The following DYM variants were observed in gnomAD, a reference collection of about 807,000 sequenced individuals.
DYM encodes the protein dyggve-Melchior-Clausen syndrome protein.
DYM carries 78 observed loss-of-function variants against 93.1 expected under a neutral mutation model. That is an observed-to-expected ratio of 0.84 (90% confidence interval 0.70 to 1.01). DYM has a LOEUF of 1.01. Among genes scored for constraint, DYM ranks in the 50% least tolerant of loss-of-function variants. DYM has a pLI of 0.00. For missense variants in DYM, 789 were observed against 845.0 expected, an observed-to-expected ratio of 0.93 and a Z score of 0.82; for synonymous variants, 321 against 319.7, an observed-to-expected ratio of 1.00 and a Z score of -0.04.
At chr18:49,219,970 G>T (rs2093278630) in intron 13 of DYM, among the ~76,000 whole-genome samples, 1 of 150,134 alleles carries the variant, frequency 6.7e-6, no homozygotes, top group Middle Eastern at 3.4e-3. Flanking sequence ...AATTGTCCCT[G>T]TTTGCAGATG....
chr18:49,073,516 C>T (rs1023758441), intron 17 of DYM, among the ~76,000 whole-genome samples: 1 of 152,108 alleles, frequency 6.6e-6, no homozygotes, highest in Non-Finnish European at 1.5e-5. Flanking sequence ...TAAATAATGG[C>T]TTCAGGCCCT....
At chr18:49,280,457 C>T (rs927769228) in intron 10 of DYM, among the ~76,000 whole-genome samples, 1 of 152,084 alleles carries the variant, frequency 6.6e-6, no homozygotes, top group African/African-American at 2.4e-5. Context: ...GCAACTGTGA[C>T]GAGTAACATG....
chr18:49,255,313 G>C (rs550846388), intron 13 of DYM, among the ~76,000 whole-genome samples: 2 of 152,316 alleles, frequency 1.3e-5, no homozygotes, highest in East Asian at 3.9e-4. Context: ...AGGAGTTTGA[G>C]CTTTCAGTGA....
At chr18:49,066,244 A>G (rs899764032) in intron 17 of DYM, among the ~76,000 whole-genome samples, 1 of 152,050 alleles carries the variant, frequency 6.6e-6, no homozygotes, top group Non-Finnish European at 1.5e-5. Context: ...CCTGGCCATC[A>G]CCACCCTGAT....
intron 1 of DYM, among the ~76,000 whole-genome samples, chr18:49,442,164 T>G (rs2148621179): frequency 6.6e-6 from 1 of 152,252 alleles, no homozygotes; most frequent in South Asian, 2.1e-4. Context: ...GAGCTTCCAA[T>G]CAGTTTTTGG....
At chr18:49,114,596 T>G in intron 16 of DYM, 1 of 985,236 alleles carries the variant, frequency 1.0e-6, no homozygotes, top group South Asian at 4.7e-5. Flanking sequence ...GTTTAAATTC[T>G]TTGCATGGTT....
intron 14 of DYM, among the ~76,000 whole-genome samples, chr18:49,191,292 T>C (rs1318700927): frequency 2.0e-5 from 3 of 152,050 alleles, no homozygotes; most frequent in Non-Finnish European, 4.4e-5. Context: ...ACTCAGTTGG[T>C]AATTACTCTT....
Position 49,080,330 on chromosome 18 carries a change from G to A in DYM, c.2025+17072C>T, listed in dbSNP as rs1485080538. Among the ~76,000 whole-genome samples the A allele has an allele frequency of 1.5e-4, 19 of 130,684 alleles. 1 individual carries two copies. Among genetic ancestry groups the A allele is most frequent in the East Asian group, 7.5e-4 (3 of 4,000 alleles). 85.7% of individuals were successfully genotyped at this position (130,684 alleles called of 152,430 possible). ...TCCCGGACGGGGTGGCTGGCCGGGC[G>A]GGGGGCTGACCCCCCCCAACTCCCT... On this transcript the variant is annotated intron_variant, in intron 17 of 17. Transcript: ENST00000675505.
intron 15 of DYM, among the ~76,000 whole-genome samples, chr18:49,128,857 G>C (rs888454997): frequency 6.6e-6 from 1 of 152,110 alleles, no homozygotes; most frequent in Non-Finnish European, 1.5e-5. Flanking sequence ...AAGTAAAAAT[G>C]CACAAAGTTA....
rs187751894 is a variant in DYM at position 49,297,039 on chromosome 18, T to C, written c.764-10423A>G. Among the ~76,000 whole-genome samples the C allele has an allele frequency of 2.4e-4, 36 of 152,292 alleles. 1 individual carries two copies. In the East Asian group the frequency reaches 4.4e-3, roughly 19 times the overall value. ...TACTTACTGAAGGATGTTTTTAAAG[T>C]GTACAAGTAATAAGAATTTTATATT... On this transcript the variant is annotated intron_variant, in intron 8 of 17. Coordinates refer to ENST00000675505, the MANE Select transcript of DYM (RefSeq NM_001353214.3).
chr18:49,187,124 T>A (rs2090519208), intron 14 of DYM, among the ~76,000 whole-genome samples: 1 of 152,048 alleles, frequency 6.6e-6, no homozygotes, highest in Non-Finnish European at 1.5e-5. Context: ...TTTCACTGTG[T>A]TAGCCAGGAT....
chr18:49,067,361 G>A (rs2076520357), intron 17 of DYM, among the ~76,000 whole-genome samples: 1 of 142,186 alleles, frequency 7.0e-6, no homozygotes, highest in Non-Finnish European at 1.5e-5. Flanking sequence ...AAGGAGTGGG[G>A]TGATGTGTTA....
intron 14 of DYM, among the ~76,000 whole-genome samples, chr18:49,173,529 G>A (rs2089013715): frequency 6.6e-6 from 1 of 151,890 alleles, no homozygotes; most frequent in South Asian, 2.1e-4. Context: ...CTATTCTTAA[G>A]TTATTTCATA....
At chr18:49,313,414 G>A (rs12607184) in intron 8 of DYM, among the ~76,000 whole-genome samples, 11,518 of 128,196 alleles carry the variant, frequency 0.09, 720 homozygotes, top group East Asian at 0.34. Flanking sequence ...AGTTAGCCAA[G>A]GTCGCACCAC....
chr18:49,444,663 T>C (rs2081950320), intron 1 of DYM, among the ~76,000 whole-genome samples: 1 of 152,154 alleles, frequency 6.6e-6, no homozygotes, highest in Non-Finnish European at 1.5e-5. Context: ...GAAACGAACA[T>C]TCCACATTTC....
At chr18:49,271,976 A>G (rs549013478) in intron 11 of DYM, among the ~76,000 whole-genome samples, 1 of 143,624 alleles carries the variant, frequency 7.0e-6, no homozygotes, top group South Asian at 2.3e-4. Flanking sequence ...ATTTTGAGAG[A>G]GTTTTTAATA....
intron 17 of DYM, among the ~76,000 whole-genome samples, chr18:49,079,576 G>A (rs1358303057): frequency 9.2e-5 from 14 of 151,516 alleles, no homozygotes; most frequent in African/African-American, 2.4e-4. Flanking sequence ...TGTGTCCCTG[G>A]GTACTTGAGA....
At chr18:49,218,517 T>A (rs1396078764) in intron 13 of DYM, among the ~76,000 whole-genome samples, 1 of 152,182 alleles carries the variant, frequency 6.6e-6, no homozygotes, top group Non-Finnish European at 1.5e-5. Flanking sequence ...AGAGCTCTCC[T>A]CAGCAAATGT....
intron 13 of DYM, among the ~76,000 whole-genome samples, chr18:49,226,371 AG>A (rs1393503504): frequency 6.6e-6 from 1 of 152,180 alleles, no homozygotes; most frequent in African/African-American, 2.4e-5. Flanking sequence ...CTATTTAAAA[AG>A]AATGTTGTCA....
Sources: gnomAD v4.1 joint callset for allele counts (sites outside exome capture counted in the v4.1 genomes callset) on GRCh38, gnomAD v4.1.1 for gene constraint, MANE v1.5 for transcripts, NCBI Gene and HGNC (gene_info 2026-07-23, HGNC 2026-07-21) for gene names.